The following COL22A1 variants were observed in gnomAD, a reference collection of about 807,000 sequenced individuals.
COL22A1 encodes collagen type XXII alpha 1 chain.
A neutral mutation model predicts 248.9 loss-of-function variants in COL22A1; 221 were observed. The ratio of observed to expected loss-of-function variants is 0.89; its 90% CI spans 0.80 to 0.99. The LOEUF (loss-of-function observed/expected upper bound fraction) is 0.99. COL22A1 is among the 50% of genes least tolerant of loss of function. COL22A1 has a pLI of 0.00. For missense variants in COL22A1, 2,240 were observed against 2,179.0 expected (o/e 1.03, Z -0.56); for synonymous variants, 891 against 793.4 (o/e 1.12, Z -2.07).
intron 4 of COL22A1, among the ~76,000 whole-genome samples, chr8:138,841,985 A>G (rs765469689): frequency 8.5e-5 from 13 of 152,172 alleles, no homozygotes; most frequent in Non-Finnish European, 1.3e-4. Context: ...TAAGACAAAT[A>G]CGGCTTTCAG....
chr8:138,777,818 G>T (rs373194741), intron 15 of COL22A1: 3 of 161,428 alleles, frequency 1.9e-5, no homozygotes, highest in African/African-American at 4.8e-5. Flanking sequence ...AAATAGTGTT[G>T]CAATAAACAT....
At chr8:138,845,147 T>G (rs148410855) in intron 3 of COL22A1, among the ~76,000 whole-genome samples, 269 of 151,924 alleles carry the variant, frequency 1.8e-3, no homozygotes, top group African/African-American at 6.0e-3. Context: ...AGCAATTGAG[T>G]AAGTCATACA....
intron 22 of COL22A1, among the ~76,000 whole-genome samples, chr8:138,746,381 G>T (rs1329696734): frequency 6.6e-6 from 1 of 152,218 alleles, no homozygotes; most frequent in Non-Finnish European, 1.5e-5. Flanking sequence ...AAGGGAAGGA[G>T]AGAGATAATT....
At chr8:138,763,244 G>A (rs75903722) in intron 16 of COL22A1, among the ~76,000 whole-genome samples, 3 of 152,108 alleles carry the variant, frequency 2.0e-5, no homozygotes, top group South Asian at 2.1e-4. Flanking sequence ...AAAATTAGCC[G>A]GGTGTGGTGG....
At chr8:138,623,265 TG>T (rs1564109245) in intron 52 of COL22A1, among the ~76,000 whole-genome samples, 55 of 3,110 alleles carry the variant, frequency 0.018, no homozygotes, top group Non-Finnish European at 0.022. Flanking sequence ...TATATTTATG[TG>T]TGTGTGTGTG....
At chr8:138,824,950 C>T (rs1439796673) in intron 6 of COL22A1, among the ~76,000 whole-genome samples, 2 of 152,306 alleles carry the variant, frequency 1.3e-5, no homozygotes, top group Middle Eastern at 3.4e-3. Context: ...TCCCATTACT[C>T]ATTTTGACAG....
At chr8:138,882,731 C>G (rs976110029) in intron 2 of COL22A1, among the ~76,000 whole-genome samples, 1 of 151,468 alleles carries the variant, frequency 6.6e-6, no homozygotes, top group Non-Finnish European at 1.5e-5. Context: ...CTCCCCCACT[C>G]TTCCTCAAAC....
At chr8:138,809,517 T>C (rs1818005872) in intron 9 of COL22A1, among the ~76,000 whole-genome samples, 1 of 96,826 alleles carries the variant, frequency 1.0e-5, no homozygotes, top group African/African-American at 3.8e-5. Flanking sequence ...TTCTTCTCTT[T>C]TTTTCTTTTT....
At chr8:138,636,673 T>G (rs1821206351) in intron 48 of COL22A1, 69 bp downstream of exon 48, 2 of 1,149,542 alleles carry the variant, frequency 1.7e-6, no homozygotes, top group Non-Finnish European at 2.6e-6. Flanking sequence ...CATTGTACAA[T>G]GGAAGCCACC....
intron 30 of COL22A1, among the ~76,000 whole-genome samples, chr8:138,706,645 A>G (rs1444381893): frequency 2.6e-5 from 4 of 152,148 alleles, no homozygotes; most frequent in South Asian, 2.1e-4. Flanking sequence ...GCAGTGTGTA[A>G]AGGGAAATTT....
intron 22 of COL22A1, among the ~76,000 whole-genome samples, chr8:138,739,941 T>C (rs546795410): frequency 6.6e-6 from 1 of 152,192 alleles, no homozygotes; most frequent in South Asian, 2.1e-4. Flanking sequence ...GAATTCAAGA[T>C]GTGGTCACAG....
chr8:138,615,518 G>A (rs986183735), intron 55 of COL22A1, among the ~76,000 whole-genome samples: 1 of 141,664 alleles, frequency 7.1e-6, no homozygotes, highest in Non-Finnish European at 1.5e-5. Context: ...GCGACGGAGT[G>A]AGACTCCATC....
At chr8:138,629,605 CA>C (rs1453308768) in intron 50 of COL22A1, among the ~76,000 whole-genome samples, 1 of 152,194 alleles carries the variant, frequency 6.6e-6, no homozygotes, top group Non-Finnish European at 1.5e-5. Context: ...CTGCCTGGAC[CA>C]CCCACATGGT....
intron 18 of COL22A1, among the ~76,000 whole-genome samples, chr8:138,757,902 C>G (rs1296014500): frequency 1.3e-5 from 2 of 152,344 alleles, no homozygotes; most frequent in Non-Finnish European, 2.9e-5. Context: ...CCCCCGTAGT[C>G]CCTGCTTCCT....
chr8:138,792,419 C>A (rs1816144087), intron 12 of COL22A1, among the ~76,000 whole-genome samples: 1 of 152,238 alleles, frequency 6.6e-6, no homozygotes, highest in Non-Finnish European at 1.5e-5. Flanking sequence ...CTCTACTCAG[C>A]AACCGATCTG....
chr8:138,611,777 C>T (rs193054071), intron 56 of COL22A1, among the ~76,000 whole-genome samples: 3 of 152,276 alleles, frequency 2.0e-5, no homozygotes, highest in Admixed American at 2.0e-4. Context: ...ACTCTACCTG[C>T]TAAGTTCTGA....
intron 45 of COL22A1, among the ~76,000 whole-genome samples, chr8:138,650,027 C>A (rs1433626572): frequency 1.3e-5 from 2 of 152,182 alleles, no homozygotes; most frequent in Non-Finnish European, 2.9e-5. Context: ...TCCTCCATTT[C>A]CCCCTATTTC....
chr8:138,743,167 C>G (rs1323920789), intron 22 of COL22A1, among the ~76,000 whole-genome samples: 7 of 75,808 alleles, frequency 9.2e-5, no homozygotes, highest in Admixed American at 1.5e-4. Context: ...TGGTAGTGAT[C>G]ACGATGGTGA....
At chr8:138,764,386 G>T (rs1270382293) in intron 16 of COL22A1, among the ~76,000 whole-genome samples, 1 of 152,204 alleles carries the variant, frequency 6.6e-6, no homozygotes, top group Non-Finnish European at 1.5e-5. Context: ...TACTGCCCAG[G>T]ATGGGCAGGG....
Sources: gnomAD v4.1 joint callset for allele counts (sites outside exome capture counted in the v4.1 genomes callset) on GRCh38, gnomAD v4.1.1 for gene constraint, MANE v1.5 for transcripts, NCBI Gene and HGNC (gene_info 2026-07-23, HGNC 2026-07-21) for gene names.